LTBP1: variants seen among roughly 807,000 people sequenced by gnomAD.
The protein encoded by LTBP1 is latent-transforming growth factor beta-binding protein 1.
Under a neutral mutation model 207.6 loss-of-function variants are expected in LTBP1, and 129 were observed. The observed-to-expected ratio is 0.62, with a 90% CI of 0.54 to 0.72. The LOEUF (loss-of-function observed/expected upper bound fraction) is 0.72, where lower values mean the gene tolerates loss of function less well. Ranked by LOEUF, LTBP1 falls within the 30% of genes least tolerant of loss-of-function variation. The pLI is 0.00. For missense variants in LTBP1, 2,281 were observed against 2,217.2 expected (o/e 1.03, Z -0.58); for synonymous variants, 963 against 833.7 (o/e 1.16, Z -2.67).
At chr2:33,216,590 G>T (rs879607199) in intron 7 of LTBP1, among the ~76,000 whole-genome samples, 5 of 152,156 alleles carry the variant, frequency 3.3e-5, no homozygotes, top group Non-Finnish European at 7.4e-5. Context: ...GGAAACTGTT[G>T]GGAGGATTTT....
At chr2:33,384,586 ATTG>A in intron 31 of LTBP1, among the ~76,000 whole-genome samples, 1 of 152,352 alleles carries the variant, frequency 6.6e-6, no homozygotes, top group East Asian at 1.9e-4. Context: ...GGAGGTGACT[ATTG>A]TTCTTGATGC....
intron 3 of LTBP1, among the ~76,000 whole-genome samples, chr2:33,045,981 C>T (rs891113133): frequency 1.3e-5 from 2 of 152,180 alleles, no homozygotes; most frequent in African/African-American, 2.4e-5. Flanking sequence ...TGAGAATTTG[C>T]TGAAGTTGCT....
chr2:33,113,416 G>A (rs142051407), intron 4 of LTBP1, among the ~76,000 whole-genome samples: 56 of 152,314 alleles, frequency 3.7e-4, no homozygotes, highest in African/African-American at 1.1e-3. Context: ...GGAGGTGATG[G>A]ATTTAGTAGA....
chr2:33,301,885 C>T (rs2093994502), intron 22 of LTBP1, among the ~76,000 whole-genome samples: 1 of 152,158 alleles, frequency 6.6e-6, no homozygotes, highest in Non-Finnish European at 1.5e-5. Context: ...ATAAAAGAAT[C>T]AGTTTAACTT....
At chr2:33,227,949 C>T (rs577110652) in intron 9 of LTBP1, among the ~76,000 whole-genome samples, 5 of 151,730 alleles carry the variant, frequency 3.3e-5, no homozygotes, top group African/African-American at 4.8e-5. Flanking sequence ...GGACTATAGG[C>T]GCGCACCACC....
chr2:33,077,657 C>CTA (rs2078157114), intron 3 of LTBP1, among the ~76,000 whole-genome samples: 1 of 152,164 alleles, frequency 6.6e-6, no homozygotes, highest in East Asian at 1.9e-4. Flanking sequence ...CGAACCGGCC[C>CTA]CACCTCCAAT....
chr2:33,207,666 C>G (rs554075016), intron 7 of LTBP1, among the ~76,000 whole-genome samples: 8 of 152,314 alleles, frequency 5.3e-5, no homozygotes, highest in African/African-American at 1.9e-4. Flanking sequence ...GTACAGTGCT[C>G]TTTATAACAA....
intron 5 of LTBP1, among the ~76,000 whole-genome samples, chr2:33,141,100 A>G (rs2082614055): frequency 6.6e-6 from 1 of 152,262 alleles, no homozygotes; most frequent in Non-Finnish European, 1.5e-5. Flanking sequence ...AGTGCACTAA[A>G]TAAAAGTCCT....
Position 33,398,784 on chromosome 2 carries a change from A to G in LTBP1, c.*239A>G, listed in dbSNP as rs3731572. The G allele has an allele frequency of 0.083, 26,649 of 321,058 alleles. 1,281 individuals are homozygous for G. The highest frequency in any genetic ancestry group is 0.13 in the African/African-American group (6,103 of 47,100). 19.9% of individuals were successfully genotyped at this position (321,058 alleles called of 1,614,324 possible). ...ATAGTCTGTTCATATGTAAAATTCA[A>G]TGGAAGAGAGGTGGAACAGTGCTGT... On this transcript the variant is annotated 3_prime_UTR_variant, in exon 34 of 34. Transcript: ENST00000404816.
At chr2:33,077,453 A>T (rs2078143327) in intron 3 of LTBP1, among the ~76,000 whole-genome samples, 2 of 152,192 alleles carry the variant, frequency 1.3e-5, no homozygotes, top group East Asian at 3.8e-4. Flanking sequence ...AGGCCTCAGG[A>T]GCTTTTACTC....
intron 2 of LTBP1, among the ~76,000 whole-genome samples, chr2:32,983,248 A>C (rs1346381616): frequency 6.6e-6 from 1 of 152,178 alleles, no homozygotes; most frequent in Non-Finnish European, 1.5e-5. Flanking sequence ...ACTTGCATGG[A>C]GCATTGTAGG....
chr2:33,171,352 G>A (rs141005767), intron 5 of LTBP1, among the ~76,000 whole-genome samples: 56,259 of 126,416 alleles, frequency 0.45, 12,724 homozygotes, highest in Non-Finnish European at 0.48. Context: ...CAAGAACTAC[G>A]TGAAGAATGC....
intron 5 of LTBP1, among the ~76,000 whole-genome samples, chr2:33,184,789 T>C (rs1558773592): frequency 6.6e-6 from 1 of 152,168 alleles, no homozygotes; most frequent in Non-Finnish European, 1.5e-5. Context: ...CTGTTTTTTT[T>C]TTTTTTTTTA....
chr2:33,277,825 C>T (rs1398753803), intron 18 of LTBP1, among the ~76,000 whole-genome samples: 20 of 86,310 alleles, frequency 2.3e-4, no homozygotes, highest in East Asian at 4.8e-4. Flanking sequence ...TTCTTTCTTT[C>T]TTTCTTTTTT....
At chr2:33,004,786 A>AATATGTATATATATATATATAT (rs1553365180) in intron 2 of LTBP1, among the ~76,000 whole-genome samples, 1 of 101,130 alleles carries the variant, frequency 9.9e-6, no homozygotes, top group Non-Finnish European at 1.9e-5. Flanking sequence ...AAAAAAAAGG[A>AATATGTATATATATATATATAT]ATATATATAT....
At chr2:32,996,907 C>T (rs981406113) in intron 2 of LTBP1, among the ~76,000 whole-genome samples, 7 of 152,082 alleles carry the variant, frequency 4.6e-5, no homozygotes, top group African/African-American at 1.7e-4. Flanking sequence ...TGTTTTGAGA[C>T]AGAGTCTCGC....
intron 5 of LTBP1, among the ~76,000 whole-genome samples, chr2:33,155,406 C>T (rs906792840): frequency 6.6e-6 from 1 of 152,222 alleles, no homozygotes; most frequent in Non-Finnish European, 1.5e-5. Context: ...CTCTGCTTCT[C>T]TGATAGATTG....
chr2:33,269,721 C>T (rs1171472181), intron 15 of LTBP1, among the ~76,000 whole-genome samples: 2 of 152,042 alleles, frequency 1.3e-5, no homozygotes, highest in East Asian at 1.9e-4. Context: ...GTTTGCATGC[C>T]GATGTGTGAG....
chr2:33,095,566 GAGA>G (rs1201816279), intron 3 of LTBP1, among the ~76,000 whole-genome samples: 3 of 152,110 alleles, frequency 2.0e-5, no homozygotes, highest in Non-Finnish European at 4.4e-5. Flanking sequence ...TAATAACCAT[GAGA>G]AGAAGAGGAA....
Sources: gnomAD v4.1 joint callset for allele counts (sites outside exome capture counted in the v4.1 genomes callset) on GRCh38, gnomAD v4.1.1 for gene constraint, MANE v1.5 for transcripts, NCBI Gene and HGNC (gene_info 2026-07-23, HGNC 2026-07-21) for gene names.